DSCAM: variants seen among roughly 807,000 people sequenced by gnomAD.
DSCAM encodes cell adhesion molecule DSCAM.
DSCAM carries 47 observed loss-of-function variants against 217.7 expected under a neutral mutation model. The ratio of observed to expected loss-of-function variants is 0.22; its 90% CI spans 0.17 to 0.28. The LOEUF is 0.28. Among genes scored for constraint, DSCAM ranks in the 10% least tolerant of loss-of-function variants. DSCAM has a pLI of 1.00. For missense variants in DSCAM, 2,080 were observed against 2,618.3 expected (o/e 0.79, Z 4.49); for synonymous variants, 1,056 against 1,015.3 (o/e 1.04, Z -0.76).
In DSCAM at chr21:40,700,413, T is replaced by C. The variant is rs545198635; in HGVS notation, c.362-7457A>G. Among the ~76,000 whole-genome samples the C allele has an allele frequency of 3.9e-5, 6 of 152,334 alleles. No homozygotes were observed. In the South Asian group the frequency reaches 8.3e-4, roughly 21 times the overall value. Reference sequence around the variant, plus strand: ...GAGTTCTTTTAATCATTAGTGGATGTTGGGTTTCATCAATGTTTTTCTGTG... The same window carrying C: ...GAGTTCTTTTAATCATTAGTGGATGCTGGGTTTCATCAATGTTTTTCTGTG... On this transcript the variant is annotated intron_variant, in intron 2 of 32. Coordinates refer to ENST00000400454, the MANE Select transcript of DSCAM (RefSeq NM_001389.5).
chr21:40,407,382 T>C (rs750682542), intron 3 of DSCAM, among the ~76,000 whole-genome samples: 5 of 152,234 alleles, frequency 3.3e-5, no homozygotes, highest in Non-Finnish European at 5.9e-5. Context: ...AACTTTGCCT[T>C]AACTCCCAGA....
In DSCAM at chr21:40,133,843, C is replaced by A; in HGVS notation, c.3562+11G>T. ...GCAACTGCTGGGACCCACCGCCCAC[C>A]CGTCTCTCACCATCCTCTTTGGTCC... is the stretch of plus-strand genomic sequence containing the variant. On this transcript the variant is annotated intron_variant, in intron 19 of 32. Transcript: ENST00000400454. 6.3e-7 allele frequency: 1 copy of A among 1,591,900 alleles called. No individual in the cohort carries two copies. Among genetic ancestry groups the A allele is most frequent in the Non-Finnish European group, 8.6e-7 (1 of 1,168,798 alleles).
intron 1 of DSCAM, among the ~76,000 whole-genome samples, chr21:40,729,949 C>T (rs1473619076): frequency 6.6e-6 from 1 of 152,184 alleles, no homozygotes; most frequent in Non-Finnish European, 1.5e-5. Context: ...GTCACAGAAA[C>T]GTCTCTGAAA....
chr21:40,820,785 T>C (rs1427363526), intron 1 of DSCAM, among the ~76,000 whole-genome samples: 1 of 152,168 alleles, frequency 6.6e-6, no homozygotes, highest in African/African-American at 2.4e-5. Context: ...CTAACTCCAT[T>C]CAAGATTTAT....
chr21:40,503,938 T>C (rs1409492726), intron 3 of DSCAM, among the ~76,000 whole-genome samples: 1 of 152,106 alleles, frequency 6.6e-6, no homozygotes, highest in Non-Finnish European at 1.5e-5. Context: ...AGTTGGTCAT[T>C]TCTGCTAGTT....
chr21:40,381,231 C>T (rs1167966888), intron 3 of DSCAM, among the ~76,000 whole-genome samples: 1 of 152,060 alleles, frequency 6.6e-6, no homozygotes, highest in African/African-American at 2.4e-5. Context: ...CGGGGTGTGG[C>T]ACTGGCTGTC....
intron 3 of DSCAM, among the ~76,000 whole-genome samples, chr21:40,544,435 C>T (rs543751662): frequency 1.3e-5 from 2 of 152,208 alleles, no homozygotes; most frequent in African/African-American, 4.8e-5. Flanking sequence ...ATGAAATCAT[C>T]CTGAATTTAG....
intron 11 of DSCAM, among the ~76,000 whole-genome samples, chr21:40,269,650 C>T (rs2073589266): frequency 6.6e-6 from 1 of 152,206 alleles, no homozygotes; most frequent in Admixed American, 6.5e-5. Flanking sequence ...TGGAGTCCCT[C>T]TGAAGTTTCT....
chr21:40,273,740 T>G (rs1251942789), intron 11 of DSCAM, among the ~76,000 whole-genome samples: 3 of 152,200 alleles, frequency 2.0e-5, no homozygotes, highest in African/African-American at 7.2e-5. Context: ...AAGTCTGAGA[T>G]GGGGCTGCCA....
intron 32 of DSCAM, among the ~76,000 whole-genome samples, chr21:40,021,149 G>A (rs1308554852): frequency 6.1e-5 from 9 of 148,720 alleles, no homozygotes; most frequent in African/African-American, 2.2e-4. Flanking sequence ...CACACAGGGA[G>A]GCAGAAAGAA....
chr21:40,467,930 C>CACAAAAA, intron 3 of DSCAM, among the ~76,000 whole-genome samples: 1 of 84,426 alleles, frequency 1.2e-5, no homozygotes. Context: ...AAAGATTAAC[C>CACAAAAA]AAAAAAAAAA....
Position 40,369,100 on chromosome 21 carries a change from T to C in DSCAM, c.654A>G (p.Ser218=), listed in dbSNP as rs368248396. 3 of 1,606,534 alleles carry C rather than the reference T, an allele frequency of 1.9e-6. No homozygotes were observed. The highest frequency in any genetic ancestry group is 2.5e-6 in the Non-Finnish European group (3 of 1,176,928). ...RQSNSARLFV[S]DPANSAPSIL... ...GACAGAGTCTTGATAAGTTTTTACC[T>C]GATACAAAAAGTCTGGCGCTGTTGC... The change falls in exon 4 of 33, where the codon TCA becomes TCG. Residue 218 remains serine, a splice_region_variant and synonymous_variant. Coordinates refer to ENST00000400454, the MANE Select transcript of DSCAM (RefSeq NM_001389.5).
intron 3 of DSCAM, among the ~76,000 whole-genome samples, chr21:40,424,216 A>G (rs2075451125): frequency 6.6e-6 from 1 of 152,188 alleles, no homozygotes; most frequent in Admixed American, 6.5e-5. Flanking sequence ...CGTCCCCCCA[A>G]AATTCATGGC....
chr21:40,414,067 G>A (rs1052732553), intron 3 of DSCAM, among the ~76,000 whole-genome samples: 2 of 152,250 alleles, frequency 1.3e-5, no homozygotes, highest in East Asian at 1.9e-4. Context: ...CTTAGGCTAA[G>A]CAAAGATGTT....
At chr21:40,462,986 T>C (rs1290874403) in intron 3 of DSCAM, among the ~76,000 whole-genome samples, 1 of 152,230 alleles carries the variant, frequency 6.6e-6, no homozygotes, top group Non-Finnish European at 1.5e-5. Flanking sequence ...CAAGAGTTGA[T>C]TTATTGTATC....
chr21:40,292,810 T>C (rs1410623458), intron 10 of DSCAM, among the ~76,000 whole-genome samples: 1 of 152,104 alleles, frequency 6.6e-6, no homozygotes, highest in African/African-American at 2.4e-5. Flanking sequence ...TGGCGTGATC[T>C]CAGCTCACTG....
At chr21:40,317,838 G>A (rs531554625) in intron 8 of DSCAM, among the ~76,000 whole-genome samples, 3 of 152,138 alleles carry the variant, frequency 2.0e-5, no homozygotes, top group South Asian at 2.1e-4. Flanking sequence ...TGGATGTCTT[G>A]TTCATTTTGA....
chr21:40,399,310 A>G (rs1340307102), intron 3 of DSCAM, among the ~76,000 whole-genome samples: 1 of 149,494 alleles, frequency 6.7e-6, no homozygotes, highest in African/African-American at 2.5e-5. Context: ...ACAAAACAAA[A>G]CATAGGAGTC....
At chr21:40,316,789 A>G (rs1383239043) in intron 8 of DSCAM, among the ~76,000 whole-genome samples, 1 of 152,156 alleles carries the variant, frequency 6.6e-6, no homozygotes, top group African/African-American at 2.4e-5. Context: ...CCAAATGTCA[A>G]TTTTGACTCT....
Sources: gnomAD v4.1 joint callset for allele counts (sites outside exome capture counted in the v4.1 genomes callset) on GRCh38, gnomAD v4.1.1 for gene constraint, MANE v1.5 for transcripts, NCBI Gene and HGNC (gene_info 2026-07-23, HGNC 2026-07-21) for gene names.